Variants in CEP126 observed in about 807,000 individuals in gnomAD.
CEP126 encodes the protein centrosomal protein of 126 kDa.
In CEP126, 74 loss-of-function variants were observed where a neutral mutation model predicts 107.8. The observed-to-expected ratio is 0.69, with a 90% CI of 0.57 to 0.83. CEP126 has a LOEUF of 0.83. Among genes scored for constraint, CEP126 ranks in the 40% least tolerant of loss-of-function variants. The pLI, the probability that CEP126 is intolerant of heterozygous loss-of-function variation, is 0.00. For synonymous variants in CEP126, 449 were observed against 446.0 expected, an observed-to-expected ratio of 1.01 and a Z score of -0.08; for missense variants, 1,237 against 1,281.9, an observed-to-expected ratio of 0.96 and a Z score of 0.53.
chr11:101,947,983 C>A (rs767555021), intron 3 of CEP126, 48 bp from the exon 4 acceptor site: 61 of 899,338 alleles, frequency 6.8e-5, no homozygotes, highest in Non-Finnish European at 9.7e-5. Flanking sequence ...AAAGTGACCA[C>A]TGAAGATAAA....
chr11:101,938,838 G>C (rs1377625368), intron 2 of CEP126, among the ~76,000 whole-genome samples: 1 of 151,258 alleles, frequency 6.6e-6, no homozygotes, highest in East Asian at 1.9e-4. Flanking sequence ...GGTTTACTTA[G>C]AACTATGTTT....
intron 4 of CEP126, among the ~76,000 whole-genome samples, chr11:101,953,052 C>T (rs947454745): frequency 1.3e-5 from 2 of 152,192 alleles, no homozygotes; most frequent in African/African-American, 4.8e-5. Flanking sequence ...GCTTATAATG[C>T]TTACATTATC....
intron 8 of CEP126, among the ~76,000 whole-genome samples, chr11:101,984,268 G>A (rs1344709202): frequency 1.3e-5 from 2 of 152,154 alleles, no homozygotes; most frequent in African/African-American, 2.4e-5. Flanking sequence ...GGAACACAGG[G>A]ACTAAAGACA....
In CEP126 at chr11:101,986,894, G is replaced by A; in HGVS notation, c.3097G>A (p.Asp1033Asn). 1 of 1,613,852 alleles carries A rather than the reference G, an allele frequency of 6.2e-7. No individual in the cohort carries two copies. Among genetic ancestry groups the A allele is most frequent in the Middle Eastern group, 1.7e-4 (1 of 6,054 alleles). The change falls in exon 9 of 11, where the codon GAT becomes AAT. Residue 1033 changes from aspartate (D) to asparagine (N), a missense_variant. Asp to Asn is a conservative substitution (Grantham distance 23). This residue lies in a region of CEP126 where 99 missense variants were observed against 114.4 expected (regional missense o/e 0.87). Coordinates refer to ENST00000263468, the MANE Select transcript of CEP126 (RefSeq NM_020802.4). ...CTTAGTGAAAGCATCAGTGCCGGAGGATGAGATTCTGACTGTCTTGAATAG... is the reference window on the plus strand; with the variant it reads ...CTTAGTGAAAGCATCAGTGCCGGAGAATGAGATTCTGACTGTCTTGAATAG... ...ENLVKASVPEDEILTVLNSKQ... is the reference protein window; with the variant it reads ...ENLVKASVPENEILTVLNSKQ...
At chr11:101,919,687 G>A (rs576867188) in intron 1 of CEP126, among the ~76,000 whole-genome samples, 3 of 152,278 alleles carry the variant, frequency 2.0e-5, no homozygotes, top group Non-Finnish European at 2.9e-5. Flanking sequence ...TATAAAGAAA[G>A]TAGAAAATCA....
intron 2 of CEP126, among the ~76,000 whole-genome samples, chr11:101,924,461 T>TTTTTG (rs931294623): frequency 6.8e-5 from 10 of 147,962 alleles, no homozygotes; most frequent in African/African-American, 1.7e-4. Flanking sequence ...TGTGTGTGGT[T>TTTTTG]TTTTGTTTTG....
intron 9 of CEP126, among the ~76,000 whole-genome samples, chr11:101,992,436 T>C (rs1044010935): frequency 3.3e-5 from 5 of 151,950 alleles, no homozygotes; most frequent in African/African-American, 7.2e-5. Flanking sequence ...TAAACATCTC[T>C]TTTTTTCTGA....
rs371797491 is a variant in CEP126, at chr11:101,971,106, C to T, written c.2845+7226C>T. ...TCTCAGCCCCCTCAGTAGCTGAGACCACAGGTGCGCACCACCATGCCTGGC... is the reference window on the plus strand; with the variant it reads ...TCTCAGCCCCCTCAGTAGCTGAGACTACAGGTGCGCACCACCATGCCTGGC... On this transcript the variant is annotated intron_variant, in intron 6 of 10. Coordinates refer to ENST00000263468, the MANE Select transcript of CEP126 (RefSeq NM_020802.4). 8.5e-5 allele frequency among the ~76,000 whole-genome samples: 13 copies of T among 152,134 alleles called. No homozygotes were observed. In the South Asian group the frequency reaches 2.3e-3, roughly 27 times the overall value.
intron 5 of CEP126, among the ~76,000 whole-genome samples, chr11:101,961,376 A>G (rs1940967372): frequency 6.6e-6 from 1 of 152,110 alleles, no homozygotes; most frequent in South Asian, 2.1e-4. Flanking sequence ...AAAAAATACA[A>G]TTTATAAATA....
At chr11:101,986,631 T>G (rs529287554) in intron 8 of CEP126, among the ~76,000 whole-genome samples, 1 of 152,210 alleles carries the variant, frequency 6.6e-6, no homozygotes. Flanking sequence ...TGAATATCCT[T>G]TTTTAAAAAA....
At chr11:101,943,442 A>T (rs537974968) in intron 2 of CEP126, among the ~76,000 whole-genome samples, 369 of 151,874 alleles carry the variant, frequency 2.4e-3, no homozygotes, top group Non-Finnish European at 4.4e-3. Flanking sequence ...TCCTAACCCC[A>T]TGCATTCTAA....
intron 9 of CEP126, among the ~76,000 whole-genome samples, chr11:101,990,825 C>G (rs1941370541): frequency 6.6e-6 from 1 of 152,014 alleles, no homozygotes; most frequent in Admixed American, 6.6e-5. Context: ...GGGGGACTCT[C>G]CAAGACCCCT....
At chr11:101,934,328 G>A (rs568727448) in intron 2 of CEP126, among the ~76,000 whole-genome samples, 2 of 151,974 alleles carry the variant, frequency 1.3e-5, no homozygotes, top group East Asian at 3.9e-4. Flanking sequence ...TGAACTTCAC[G>A]CATTCAATGG....
In CEP126 at chr11:101,949,297, A is replaced by G. The variant is rs545204633; in HGVS notation, c.506+1155A>G. Among the ~76,000 whole-genome samples the G allele has an allele frequency of 2.6e-5, 4 of 152,342 alleles. No homozygotes were observed. In the South Asian group the frequency reaches 8.3e-4, roughly 32 times the overall value. ...AGAGTTTAAGAGGAGTCAATGAATA[A>G]TTTTAGGCAAATTAGTGATAAGATG... On this transcript the variant is annotated intron_variant, in intron 4 of 10. Transcript: ENST00000263468.
chr11:101,942,162 TTTTG>T (rs1384032758), intron 2 of CEP126, among the ~76,000 whole-genome samples: 1 of 152,140 alleles, frequency 6.6e-6, no homozygotes, highest in Non-Finnish European at 1.5e-5. Context: ...CTATTTTTGC[TTTTG>T]TTTGTGCTTT....
chr11:101,957,841 C>T (rs1940919740), intron 4 of CEP126, among the ~76,000 whole-genome samples: 1 of 152,092 alleles, frequency 6.6e-6, no homozygotes, highest in South Asian at 2.1e-4. Context: ...TCTTAAAGAC[C>T]TGAGGACTGA....
chr11:101,957,062 A>C lies in CEP126; in HGVS notation c.507-1106A>C, dbSNP rs1940909203. Reference sequence around the variant, plus strand: ...AAGTGTAAAAGGAAGAGACAGAAACATACTCTCAATGTTCAGGAACTTGTA... The same window carrying C: ...AAGTGTAAAAGGAAGAGACAGAAACCTACTCTCAATGTTCAGGAACTTGTA... On this transcript the variant is annotated intron_variant, in intron 4 of 10. Transcript: ENST00000263468. 5.6e-5 allele frequency: 15 copies of C among 267,504 alleles called. No individual in the cohort carries two copies. The South Asian group carries it at 5.9e-4, about 10-fold the overall frequency. The allele number at this position is 267,504 out of a possible 1,614,324, so 16.6% of individuals were successfully genotyped here.
intron 1 of CEP126, among the ~76,000 whole-genome samples, chr11:101,920,341 A>AC (rs1479769013): frequency 6.6e-6 from 1 of 152,228 alleles, no homozygotes; most frequent in Non-Finnish European, 1.5e-5. Flanking sequence ...CAAATTATGT[A>AC]CCGCATAGTT....
chr11:101,938,122 C>G lies in CEP126; in HGVS notation c.249-6143C>G, dbSNP rs953334987. Among the ~76,000 whole-genome samples the G allele has an allele frequency of 1.9e-4, 23 of 123,332 alleles. No homozygotes were observed. In the East Asian group the frequency reaches 5.1e-3, roughly 27 times the overall value. The allele number at this position is 123,332 out of a possible 152,430, so 80.9% of individuals were successfully genotyped here. A position where few individuals can be genotyped will look rare whatever the true frequency, so the allele number is the denominator to read the frequency against. On this transcript the variant is annotated intron_variant, in intron 2 of 10. Transcript: ENST00000263468. Reference sequence around the variant, plus strand: ...GAGCCGAGATTGCGCCACTGCAGTCCGCAGTCCGGCCTGGGCGACAGAGCG... The same window carrying G: ...GAGCCGAGATTGCGCCACTGCAGTCGGCAGTCCGGCCTGGGCGACAGAGCG...
Sources: allele counts gnomAD v4.1 joint callset (sites outside exome capture counted in the v4.1 genomes callset), GRCh38; gene constraint gnomAD v4.1.1; regional missense constraint gnomAD v4.1.1; transcripts MANE v1.5; gene names NCBI Gene and HGNC (gene_info 2026-07-23, HGNC 2026-07-21).